The following MPPED1 variants were observed in gnomAD, a reference collection of about 807,000 sequenced individuals.
MPPED1 encodes the protein metallophosphoesterase domain-containing protein 1.
Under a neutral mutation model 36.2 loss-of-function variants are expected in MPPED1, and 16 were observed. That is an observed-to-expected ratio of 0.44 (90% confidence interval 0.30 to 0.67). The LOEUF is 0.67. Among genes scored for constraint, MPPED1 ranks in the 30% least tolerant of loss-of-function variants. The probability of loss-of-function intolerance (pLI) is 0.10; values close to 1 mark genes in which losing one functional copy is unlikely to be tolerated. For missense variants in MPPED1, 307 were observed against 453.4 expected, an observed-to-expected ratio of 0.68 and a Z score of 2.93; for synonymous variants, 199 against 191.3, an observed-to-expected ratio of 1.04 and a Z score of -0.33.
intron 4 of MPPED1, among the ~76,000 whole-genome samples, chr22:43,495,509 G>GAGA (rs1569088699): frequency 4.3e-5 from 5 of 117,208 alleles, no homozygotes; most frequent in Admixed American, 1.8e-4. Flanking sequence ...GGTGGAGGTG[G>GAGA]TGGTGGTGGT....
intron 3 of MPPED1, among the ~76,000 whole-genome samples, chr22:43,463,807 T>TTTTCTTTCTTTCTTTTTTTC (rs1491212045): frequency 1.5e-4 from 17 of 112,890 alleles, no homozygotes; most frequent in South Asian, 3.1e-4. Context: ...TCATTTTTTC[T>TTTTCTTTCTTTCTTTTTTTC]TTTCTTTCTT....
Position 43,497,057 on chromosome 22 carries a change from A to AGGTAGTGGTGGTGGAAG in MPPED1, c.633-1178_633-1177insGGTAGTGGTGGTGGAAG, listed in dbSNP as rs1569090195. Among the ~76,000 whole-genome samples, 4 of 29,142 alleles carry AGGTAGTGGTGGTGGAAG rather than the reference A, an allele frequency of 1.4e-4. No individual in the cohort carries two copies. The East Asian group carries it at 5.3e-3, about 39-fold the overall frequency. 19.1% of individuals were successfully genotyped at this position (29,142 alleles called of 152,430 possible). On this transcript the variant is annotated intron_variant, in intron 4 of 6. Transcript: ENST00000443721. ...GGTGGTGGAGGTAGTGGTGGTGGAGATGGTGGTGGTGGAGGTGGTGGTGGA... is the reference window on the plus strand; with the variant it reads ...GGTGGTGGAGGTAGTGGTGGTGGAGAGGTAGTGGTGGTGGAAGTGGTGGTGGTGGAGGTGGTGGTGGA...
At chr22:43,481,911 G>T (rs1271092493) in intron 4 of MPPED1, among the ~76,000 whole-genome samples, 1 of 152,214 alleles carries the variant, frequency 6.6e-6, no homozygotes, top group Non-Finnish European at 1.5e-5. Flanking sequence ...AAGCCTTTCA[G>T]TCTGTTCAGG....
intron 3 of MPPED1, among the ~76,000 whole-genome samples, chr22:43,437,453 C>T (rs923258461): frequency 7.2e-5 from 11 of 152,200 alleles, no homozygotes; most frequent in African/African-American, 2.7e-4. Context: ...CCCAAAGTCA[C>T]ACAGCTTGTA....
rs1448968946 is a variant in MPPED1 at position 43,474,336 on chromosome 22, G to T, written c.407-400G>T. ...GGAACCTGTCCAGCCTCTTCCCGAT[G>T]ATCTCAGGGGGCCGATGGCCAGTGG... is the stretch of plus-strand genomic sequence containing the variant. On this transcript the variant is annotated intron_variant, in intron 3 of 6. Coordinates refer to ENST00000443721, the MANE Select transcript of MPPED1 (RefSeq NM_001044370.2). This position sits in a 1 kb window ranked among gnomAD's most constrained non-coding sequence, Gnocchi z 5.2. Among the ~76,000 whole-genome samples the T allele has an allele frequency of 6.6e-6, 1 of 152,238 alleles. No homozygotes were observed. Among genetic ancestry groups the T allele is most frequent in the East Asian group, 1.9e-4 (1 of 5,202 alleles).
At chr22:43,424,849 T>G in intron 1 of MPPED1, 59 bp from the exon 2 acceptor site, 1 of 1,453,064 alleles carries the variant, frequency 6.9e-7, no homozygotes, top group Non-Finnish European at 9.1e-7. Context: ...TCATCTGACA[T>G]TAAATAAAGC....
intron 1 of MPPED1, among the ~76,000 whole-genome samples, chr22:43,414,861 C>CAA (rs144789972): frequency 6.6e-5 from 10 of 152,222 alleles, no homozygotes; most frequent in African/African-American, 2.4e-4. Flanking sequence ...GGTCCTGGGG[C>CAA]AAAGGGCTCC....
At chr22:43,416,890 C>T (rs73166186) in intron 1 of MPPED1, 7,382 of 664,996 alleles carry the variant, frequency 0.011, 49 homozygotes, top group Non-Finnish European at 0.012. Flanking sequence ...TCTCGGGGCT[C>T]GTTCTGTGCA....
chr22:43,500,349 A>G (rs371697145), intron 5 of MPPED1, among the ~76,000 whole-genome samples: 5,956 of 27,772 alleles, frequency 0.21, 81 homozygotes, highest in African/African-American at 0.3. Context: ...GGTGGTGGTG[A>G]TGGTGATGGA....
chr22:43,484,235 G>C (rs915584679), intron 4 of MPPED1, among the ~76,000 whole-genome samples: 1 of 152,224 alleles, frequency 6.6e-6, no homozygotes, highest in Admixed American at 6.5e-5. Flanking sequence ...TCGGCCGACT[G>C]CCCCGTGTAT....
chr22:43,475,535 G>GATT (rs1378642074), intron 4 of MPPED1, among the ~76,000 whole-genome samples: 1 of 2,168 alleles, frequency 4.6e-4, no homozygotes, highest in Non-Finnish European at 1.1e-3. Flanking sequence ...TGGTGGTGGT[G>GATT]GTGGTGATGT....
intron 3 of MPPED1, among the ~76,000 whole-genome samples, chr22:43,469,574 C>A (rs1275473147): frequency 6.6e-6 from 1 of 152,168 alleles, no homozygotes; most frequent in Non-Finnish European, 1.5e-5. Context: ...CTCCTGCCCA[C>A]TCCGTGATGG....
At chr22:43,421,987 G>A (rs1258447069) in intron 1 of MPPED1, among the ~76,000 whole-genome samples, 3 of 152,198 alleles carry the variant, frequency 2.0e-5, no homozygotes, top group Non-Finnish European at 4.4e-5. Flanking sequence ...CTTGCTCAGG[G>A]TCACAGAGCT....
chr22:43,496,265 G>C (rs1002311915), intron 4 of MPPED1, among the ~76,000 whole-genome samples: 269 of 65,548 alleles, frequency 4.1e-3, no homozygotes, highest in Non-Finnish European at 5.1e-3. Context: ...GGTGGAGGTA[G>C]TGGTGGTGGA....
intron 3 of MPPED1, among the ~76,000 whole-genome samples, chr22:43,459,035 A>G (rs554790493): frequency 2.0e-5 from 3 of 152,066 alleles, no homozygotes; most frequent in Admixed American, 1.3e-4. Context: ...TTTTTCATCA[A>G]ATTTGGGGAG....
intron 2 of MPPED1, among the ~76,000 whole-genome samples, chr22:43,431,500 T>G (rs1929687338): frequency 6.6e-6 from 1 of 152,180 alleles, no homozygotes; most frequent in African/African-American, 2.4e-5. Flanking sequence ...CAGTAAGATT[T>G]GTCCATAGGT....
intron 4 of MPPED1, among the ~76,000 whole-genome samples, chr22:43,488,574 T>G (rs1931986943): frequency 2.6e-5 from 4 of 152,232 alleles, no homozygotes; most frequent in Admixed American, 2.0e-4. Flanking sequence ...ACAAAAAAGC[T>G]GTTAAGGGGT....
At chr22:43,427,471 C>T (rs1929517676) in intron 2 of MPPED1, among the ~76,000 whole-genome samples, 1 of 151,962 alleles carries the variant, frequency 6.6e-6, no homozygotes, top group Non-Finnish European at 1.5e-5. Context: ...GGAGGCCCAG[C>T]TGGGCAGGCA....
At chr22:43,498,483 G>A in intron 5 of MPPED1, 133 bp downstream of exon 5, 1 of 625,394 alleles carries the variant, frequency 1.6e-6, no homozygotes, top group Non-Finnish European at 2.7e-6. Context: ...GGGCACTGAG[G>A]ACACGTCGCC....
Sources: allele counts gnomAD v4.1 joint callset (sites outside exome capture counted in the v4.1 genomes callset), GRCh38; gene constraint gnomAD v4.1.1; non-coding constraint Gnocchi (gnomAD v3.1); transcripts MANE v1.5; gene names NCBI Gene and HGNC (gene_info 2026-07-23, HGNC 2026-07-21).